Variants in OLIG2 observed in about 807,000 individuals in gnomAD.
The protein encoded by OLIG2 is basic domain, helix-loop-helix protein, class B, 1.
OLIG2 carries 12 observed loss-of-function variants against 13.4 expected under a neutral mutation model. The ratio of observed to expected loss-of-function variants is 0.90; its 90% CI spans 0.58 to 1.46. OLIG2 has a LOEUF of 1.46. Ranked by LOEUF, OLIG2 falls within the 40% of genes most tolerant of loss-of-function variation. OLIG2 has a pLI of 0.00. For synonymous variants in OLIG2, 250 were observed against 233.6 expected, an observed-to-expected ratio of 1.07 and a Z score of -0.64; for missense variants, 415 against 487.9, an observed-to-expected ratio of 0.85 and a Z score of 1.41.
At position 33,026,836 on chromosome 21, in the gene OLIG2, C is replaced by T. The variant is rs767088500; in HGVS notation, c.-27C>T. Reference sequence around the variant, plus strand: ...CGAGGGAAGGAGGACCCTGCGAAAGCTGCGACGACTATCTTCCCCTGGGGC... The same window carrying T: ...CGAGGGAAGGAGGACCCTGCGAAAGTTGCGACGACTATCTTCCCCTGGGGC... On this transcript the variant is annotated 5_prime_UTR_variant, in exon 2 of 2. Coordinates refer to ENST00000382357, the MANE Select transcript of OLIG2 (RefSeq NM_005806.4). The surrounding 1 kb of genome is among the most constrained non-coding windows in gnomAD (Gnocchi z 6.6). 6 of 1,603,166 alleles carry T rather than the reference C, an allele frequency of 3.7e-6. No individual in the cohort carries two copies. In the South Asian group the frequency reaches 6.6e-5, roughly 18 times the overall value.
In OLIG2 at chr21:33,027,615, C is replaced by G; in HGVS notation, c.753C>G (p.Val251=). The G allele has an allele frequency of 6.8e-7, 1 of 1,476,224 alleles. No individual in the cohort carries two copies. The highest frequency in any genetic ancestry group is 8.9e-7 in the Non-Finnish European group (1 of 1,119,804). 91.4% of individuals were successfully genotyped at this position (1,476,224 alleles called of 1,614,324 possible). ...TGCCCGGATCCGGGCTGCCGTCGGT[C>G]GGCTCCATCCGTCCACCGCACGGCC... ...ASLPGSGLPS[V]GSIRPPHGLL... Residue 251 remains valine, a synonymous_variant, in exon 2 of 2, where the codon GTC becomes GTG. Coordinates refer to ENST00000382357, the MANE Select transcript of OLIG2 (RefSeq NM_005806.4).
At position 33,028,828 on chromosome 21, in the gene OLIG2, A is replaced by C. The variant is rs1426381954; in HGVS notation, c.*994A>C. ...TAAAATTTTCTTTTTTGGATGTGTAAATTTATCAATGATGAGGTAAGTGCG... is the reference window on the plus strand; with the variant it reads ...TAAAATTTTCTTTTTTGGATGTGTACATTTATCAATGATGAGGTAAGTGCG... On this transcript the variant is annotated 3_prime_UTR_variant, in exon 2 of 2. Transcript: ENST00000382357. The C allele has an allele frequency of 4.1e-6, 1 of 242,880 alleles. No homozygotes were observed. Among genetic ancestry groups the C allele is most frequent in the Non-Finnish European group, 8.7e-6 (1 of 114,948 alleles). The allele number at this position is 242,880 out of a possible 1,614,324, so 15.0% of individuals were successfully genotyped here. A position where few individuals can be genotyped will look rare whatever the true frequency, so the allele number is the denominator to read the frequency against.
chr21:33,028,105 A>C lies in OLIG2; in HGVS notation c.*271A>C. ...TGGTCCAGTAGACATCGTTTTATGAAAAGGTACCGCTGTGTGCATTCCTCA... is the reference window on the plus strand; with the variant it reads ...TGGTCCAGTAGACATCGTTTTATGACAAGGTACCGCTGTGTGCATTCCTCA... On this transcript the variant is annotated 3_prime_UTR_variant, in exon 2 of 2. Coordinates refer to ENST00000382357, the MANE Select transcript of OLIG2 (RefSeq NM_005806.4). 1 of 386,710 alleles carries C rather than the reference A, an allele frequency of 2.6e-6. No individual in the cohort carries two copies. Among genetic ancestry groups the C allele is most frequent in the Non-Finnish European group, 4.8e-6 (1 of 208,834 alleles). The allele number at this position is 386,710 out of a possible 1,614,324, so 24.0% of individuals were successfully genotyped here.
At position 33,027,961 on chromosome 21, in the gene OLIG2, G is replaced by T. The variant is rs1478719866; in HGVS notation, c.*127G>T. On this transcript the variant is annotated 3_prime_UTR_variant, in exon 2 of 2. Coordinates refer to ENST00000382357, the MANE Select transcript of OLIG2 (RefSeq NM_005806.4). Reference sequence around the variant, plus strand: ...CGCAGGACCATGGACTGGGGGTGGGGCATGGTGGGGATTCCAGCATCTGCG... The same window carrying T: ...CGCAGGACCATGGACTGGGGGTGGGTCATGGTGGGGATTCCAGCATCTGCG... The T allele has an allele frequency of 9.2e-7, 1 of 1,085,280 alleles. No homozygotes were observed. Among genetic ancestry groups the T allele is most frequent in the East Asian group, 3.3e-5 (1 of 30,730 alleles). The allele number at this position is 1,085,280 out of a possible 1,614,324, so 67.2% of individuals were successfully genotyped here.
chr21:33,027,653 C>A lies in OLIG2; in HGVS notation c.791C>A (p.Pro264Gln), dbSNP rs928664863. Reference protein sequence around the residue: ...IRPPHGLLKSPSAAAAAPLGG... With the variant: ...IRPPHGLLKSQSAAAAAPLGG... ...CCACCGCACGGCCTACTCAAGTCTC[C>A]GTCTGCTGCCGCGGCCGCCCCGCTG... is the stretch of plus-strand genomic sequence containing the variant. The change falls in exon 2 of 2, where the codon CCG becomes CAG. Residue 264 changes from proline to glutamine, a missense_variant. This residue lies in a region of OLIG2 where 243 missense variants were observed against 241.2 expected (regional missense o/e 1.01). Coordinates refer to ENST00000382357, the MANE Select transcript of OLIG2 (RefSeq NM_005806.4). The A allele has an allele frequency of 6.4e-6, 9 of 1,412,560 alleles. No homozygotes were observed. Among genetic ancestry groups the A allele is most frequent in the Non-Finnish European group, 6.4e-6 (7 of 1,091,860 alleles). The allele number at this position is 1,412,560 out of a possible 1,614,324, so 87.5% of individuals were successfully genotyped here. A position where few individuals can be genotyped will look rare whatever the true frequency, so the allele number is the denominator to read the frequency against.
In OLIG2 at chr21:33,028,119, G is replaced by T. The variant is rs540875314; in HGVS notation, c.*285G>T. 3.2e-5 allele frequency: 12 copies of T among 372,494 alleles called. No individual in the cohort carries two copies. Among genetic ancestry groups the T allele is most frequent in the Middle Eastern group, 1.4e-3 (2 of 1,452 alleles). 23.1% of individuals were successfully genotyped at this position (372,494 alleles called of 1,614,324 possible). A position where few individuals can be genotyped will look rare whatever the true frequency, so the allele number is the denominator to read the frequency against. On this transcript the variant is annotated 3_prime_UTR_variant, in exon 2 of 2. Coordinates refer to ENST00000382357, the MANE Select transcript of OLIG2 (RefSeq NM_005806.4). ...TCGTTTTATGAAAAGGTACCGCTGT[G>T]TGCATTCCTCACTAGAACTCATCCG...
chr21:33,027,908 G>T lies in OLIG2; in HGVS notation c.*74G>T. On this transcript the variant is annotated 3_prime_UTR_variant, in exon 2 of 2. Transcript: ENST00000382357. Reference sequence around the variant, plus strand: ...GGGAAGCGAGGACTGGCCTGCGCTGGGCTCGGGAGCTCTGTCGCGAGGAGG... The same window carrying T: ...GGGAAGCGAGGACTGGCCTGCGCTGTGCTCGGGAGCTCTGTCGCGAGGAGG... 7.6e-7 allele frequency: 1 copy of T among 1,320,990 alleles called. No individual in the cohort carries two copies. The highest frequency in any genetic ancestry group is 9.7e-7 in the Non-Finnish European group (1 of 1,033,022). 81.8% of individuals were successfully genotyped at this position (1,320,990 alleles called of 1,614,324 possible).
Position 33,026,905 on chromosome 21 carries a change from C to T in OLIG2, c.43C>T (p.Pro15Ser), listed in dbSNP as rs148487275. 18 of 1,611,528 alleles carry T rather than the reference C, an allele frequency of 1.1e-5. No homozygotes were observed. The African/African-American group carries it at 2.3e-4, about 20-fold the overall frequency. The change falls in exon 2 of 2, where the codon CCA becomes TCA. Residue 15 changes from proline (P) to serine (S), a missense_variant. This residue lies in a region of OLIG2 where 122 missense variants were observed against 126.8 expected (regional missense o/e 0.96). Transcript: ENST00000382357. The surrounding 1 kb of genome is among the most constrained non-coding windows in gnomAD (Gnocchi z 6.6). ...CCTGGTGTCCAGCCGCCCGTCGTCG[C>T]CAGAGCCCGATGACCTTTTTCTGCC... ...ASLVSSRPSS[P>S]EPDDLFLPAR...
chr21:33,028,504 G>A lies in OLIG2; in HGVS notation c.*670G>A. 2 of 240,192 alleles carry A rather than the reference G, an allele frequency of 8.3e-6. No homozygotes were observed. The highest frequency in any genetic ancestry group is 1.8e-4 in the South Asian group (1 of 5,466). 14.9% of individuals were successfully genotyped at this position (240,192 alleles called of 1,614,324 possible). A position where few individuals can be genotyped will look rare whatever the true frequency, so the allele number is the denominator to read the frequency against. ...CTGTGGCCGTTCCTCCCTGTCTCTCGTTGATTTGGGAGAATATGGTTTTCT... is the reference window on the plus strand; with the variant it reads ...CTGTGGCCGTTCCTCCCTGTCTCTCATTGATTTGGGAGAATATGGTTTTCT... On this transcript the variant is annotated 3_prime_UTR_variant, in exon 2 of 2. Coordinates refer to ENST00000382357, the MANE Select transcript of OLIG2 (RefSeq NM_005806.4).
In OLIG2 at chr21:33,027,095, C is replaced by G. The variant is rs778970109; in HGVS notation, c.233C>G (p.Ser78Cys). The change falls in exon 2 of 2, where the codon TCC becomes TGC. Residue 78 changes from serine (S) to cysteine (C), a missense_variant. By Grantham distance (112) the Ser-to-Cys change is moderately radical. Around this residue, in one of 3 missense-constraint regions of OLIG2, gnomAD observed 122 missense variants for 126.8 expected, o/e 0.96. Transcript: ENST00000382357. ...DKLGGSGFKS[S>C]SSSTSSSTSS... ...CTAGGAGGCAGTGGCTTCAAGTCATCCTCGTCCAGCACCTCGTCGTCTACG... is the reference window on the plus strand; with the variant it reads ...CTAGGAGGCAGTGGCTTCAAGTCATGCTCGTCCAGCACCTCGTCGTCTACG... The G allele has an allele frequency of 6.2e-7, 1 of 1,611,552 alleles. No individual in the cohort carries two copies. Among genetic ancestry groups the G allele is most frequent in the South Asian group, 1.1e-5 (1 of 90,542 alleles).
Position 33,027,597 on chromosome 21 carries a change from A to G in OLIG2, c.735A>G (p.Gly245=). 6.8e-7 allele frequency: 1 copy of G among 1,477,182 alleles called. No homozygotes were observed. Among genetic ancestry groups the G allele is most frequent in the Middle Eastern group, 2.3e-4 (1 of 4,392 alleles). The allele number at this position is 1,477,182 out of a possible 1,614,324, so 91.5% of individuals were successfully genotyped here. Residue 245 remains glycine (G), a synonymous_variant, in exon 2 of 2, where the codon GGA becomes GGG. Transcript: ENST00000382357. ...CTGTGTCCAGCGCCTCTCTGCCCGG[A>G]TCCGGGCTGCCGTCGGTCGGCTCCA... ...AAAVSSASLP[G]SGLPSVGSIR...
Position 33,027,062 on chromosome 21 carries a change from G to T in OLIG2, c.200G>T (p.Gly67Val). 1 of 1,612,008 alleles carries T rather than the reference G, an allele frequency of 6.2e-7. No individual in the cohort carries two copies. Among genetic ancestry groups the T allele is most frequent in the Non-Finnish European group, 8.5e-7 (1 of 1,179,124 alleles). ...ATGGGCTCTGCGGGCGCGCATCCTG[G>T]GGACAAGCTAGGAGGCAGTGGCTTC... is the stretch of plus-strand genomic sequence containing the variant. ...GAMGSAGAHPGDKLGGSGFKS... is the reference protein window; with the variant it reads ...GAMGSAGAHPVDKLGGSGFKS... Residue 67 changes from glycine to valine, a missense_variant, in exon 2 of 2, where the codon GGG becomes GTG. Gly to Val is a moderately radical substitution (Grantham distance 109). Around this residue, in one of 3 missense-constraint regions of OLIG2, gnomAD observed 122 missense variants for 126.8 expected, o/e 0.96. Transcript: ENST00000382357.
chr21:33,028,605 T>A lies in OLIG2; in HGVS notation c.*771T>A. 4.2e-6 allele frequency: 1 copy of A among 239,816 alleles called. No homozygotes were observed. The highest frequency in any genetic ancestry group is 6.4e-5 in the East Asian group (1 of 15,584). 14.9% of individuals were successfully genotyped at this position (239,816 alleles called of 1,614,324 possible). ...ATTCAGAGTAGAACCACTTGTGGAT[T>A]GGAATAACCCAAAACTGCCGATTTC... On this transcript the variant is annotated 3_prime_UTR_variant, in exon 2 of 2. Transcript: ENST00000382357.
chr21:33,027,616 G>A lies in OLIG2; in HGVS notation c.754G>A (p.Gly252Ser). The change falls in exon 2 of 2, where the codon GGC becomes AGC. Residue 252 changes from glycine to serine, a missense_variant. Coordinates refer to ENST00000382357, the MANE Select transcript of OLIG2 (RefSeq NM_005806.4). ...GCCCGGATCCGGGCTGCCGTCGGTC[G>A]GCTCCATCCGTCCACCGCACGGCCT... ...SLPGSGLPSV[G>S]SIRPPHGLLK... is the part of the protein sequence containing the mutation. The A allele has an allele frequency of 6.8e-7, 1 of 1,476,090 alleles. No homozygotes were observed. Among genetic ancestry groups the A allele is most frequent in the Non-Finnish European group, 8.9e-7 (1 of 1,119,762 alleles). 91.4% of individuals were successfully genotyped at this position (1,476,090 alleles called of 1,614,324 possible).
chr21:33,027,191 G>A lies in OLIG2; in HGVS notation c.329G>A (p.Arg110His). The change falls in exon 2 of 2, where the codon CGT becomes CAT. Residue 110 changes from arginine (R) to histidine (H), a missense_variant. By Grantham distance (29) the Arg-to-His change is conservative (BLOSUM62 0). Coordinates refer to ENST00000382357, the MANE Select transcript of OLIG2 (RefSeq NM_005806.4). ...ACAGAGCCGGAGCTGCAGCAGCTGC[G>A]TCTCAAGATCAACAGCCGCGAGCGC... ...QMTEPELQQL[R>H]LKINSRERKR... The A allele has an allele frequency of 1.2e-6, 2 of 1,611,206 alleles. No homozygotes were observed. Among genetic ancestry groups the A allele is most frequent in the Non-Finnish European group, 8.5e-7 (1 of 1,179,176 alleles).
chr21:33,026,859 GGCCATGGACTCGGAC>G lies in OLIG2; in HGVS notation c.2_16del (p.MetAspSerAspAla1_?5). The G allele has an allele frequency of 6.2e-7, 1 of 1,608,510 alleles. No individual in the cohort carries two copies. Among genetic ancestry groups the G allele is most frequent in the Non-Finnish European group, 8.5e-7 (1 of 1,179,870 alleles). ...AGCTGCGACGACTATCTTCCCCTGG[GGCCATGGACTCGGAC>G]GCCAGCCTGGTGTCCAGCCGCCCGT... On this transcript the variant is annotated start_lost and 5_prime_UTR_variant, in exon 2 of 2. Coordinates refer to ENST00000382357, the MANE Select transcript of OLIG2 (RefSeq NM_005806.4). This position sits in a 1 kb window ranked among gnomAD's most constrained non-coding sequence, Gnocchi z 6.6.
In OLIG2 at chr21:33,027,857, T is replaced by A; in HGVS notation, c.*23T>A. 3 of 1,369,074 alleles carry A rather than the reference T, an allele frequency of 2.2e-6. No individual in the cohort carries two copies. The highest frequency in any genetic ancestry group is 2.8e-6 in the Non-Finnish European group (3 of 1,067,772). 84.8% of individuals were successfully genotyped at this position (1,369,074 alleles called of 1,614,324 possible). On this transcript the variant is annotated 3_prime_UTR_variant, in exon 2 of 2. Coordinates refer to ENST00000382357, the MANE Select transcript of OLIG2 (RefSeq NM_005806.4). ...TGAGCCGACTGGCGCCGGCGCGTTC[T>A]GGCGACAGGGGAGCCAGGGGCCGCG...
At position 33,026,596 on chromosome 21, in the gene OLIG2, T is replaced by G; in HGVS notation, c.-62-205T>G. On this transcript the variant is annotated intron_variant, in intron 1 of 1. Transcript: ENST00000382357. This position sits in a 1 kb window ranked among gnomAD's most constrained non-coding sequence, Gnocchi z 6.6. ...CAGAGGGGAGATAGAGAGAGCTTAA[T>G]TATAGGTACCCGCGTGCAGCTAAAA... 1.9e-6 allele frequency: 1 copy of G among 533,192 alleles called. No individual in the cohort carries two copies. Among genetic ancestry groups the G allele is most frequent in the Non-Finnish European group, 3.4e-6 (1 of 297,984 alleles). The allele number at this position is 533,192 out of a possible 1,614,324, so 33.0% of individuals were successfully genotyped here. A position where few individuals can be genotyped will look rare whatever the true frequency, so the allele number is the denominator to read the frequency against.
rs1981151028 is a variant in OLIG2 at position 33,027,679 on chromosome 21, G to T, written c.817G>T (p.Gly273Trp). ...SPSAAAAAPL[G>W]GGGGGSGASG... ...GTCTGCTGCCGCGGCCGCCCCGCTG[G>T]GGGGCGGGGGCGGCGGCAGTGGGGC... The change falls in exon 2 of 2, where the codon GGG (glycine) becomes TGG (tryptophan). Residue 273 changes from glycine to tryptophan, a missense_variant. Gly to Trp is a radical substitution (Grantham distance 184). Coordinates refer to ENST00000382357, the MANE Select transcript of OLIG2 (RefSeq NM_005806.4). 5.1e-6 allele frequency: 7 copies of T among 1,372,284 alleles called. No individual in the cohort carries two copies. The highest frequency in any genetic ancestry group is 3.1e-5 in the African/African-American group (2 of 65,066). The allele number at this position is 1,372,284 out of a possible 1,614,324, so 85.0% of individuals were successfully genotyped here. A position where few individuals can be genotyped will look rare whatever the true frequency, so the allele number is the denominator to read the frequency against.
Sources: allele counts gnomAD v4.1 joint callset, GRCh38; gene constraint gnomAD v4.1.1; regional missense constraint gnomAD v4.1.1; non-coding constraint Gnocchi (gnomAD v3.1); transcripts MANE v1.5; gene names NCBI Gene and HGNC (gene_info 2026-07-23, HGNC 2026-07-21).